The following MPPED1 variants were observed in gnomAD, a reference collection of about 807,000 sequenced individuals.
MPPED1 encodes metallophosphoesterase domain containing 1.
A neutral mutation model predicts 36.2 loss-of-function variants in MPPED1; 16 were observed. That is an observed-to-expected ratio of 0.44 (90% CI 0.30 to 0.67). The LOEUF (loss-of-function observed/expected upper bound fraction) is 0.67. Ranked by LOEUF, MPPED1 falls within the 30% of genes least tolerant of loss-of-function variation. The probability of loss-of-function intolerance (pLI) is 0.10; values close to 1 mark genes in which losing one functional copy is unlikely to be tolerated. For synonymous variants in MPPED1, 199 were observed against 191.3 expected (o/e 1.04, Z -0.33); for missense variants, 307 against 453.4 (o/e 0.68, Z 2.93).
At chr22:43,416,965 A>G in intron 1 of MPPED1, 5 of 985,334 alleles carry the variant, frequency 5.1e-6, no homozygotes, top group Non-Finnish European at 4.8e-6. Context: ...TCATAGCTAA[A>G]ATTAAAGGAA....
At chr22:43,460,067 T>TG (rs1930893115) in intron 3 of MPPED1, among the ~76,000 whole-genome samples, 1 of 151,498 alleles carries the variant, frequency 6.6e-6, no homozygotes, top group Non-Finnish European at 1.5e-5. Context: ...ATTAGCCGGG[T>TG]GTGGTGGCAT....
chr22:43,497,929 G>GTATGTATATATATA (rs542398808), intron 4 of MPPED1, among the ~76,000 whole-genome samples: 1 of 48,758 alleles, frequency 2.1e-5, no homozygotes, highest in African/African-American at 6.3e-5. Context: ...ATATATATAT[G>GTATGTATATATATA]TATATGTATA....
intron 3 of MPPED1, among the ~76,000 whole-genome samples, chr22:43,452,733 A>G (rs1239674182): frequency 1.3e-5 from 2 of 151,364 alleles, no homozygotes. Context: ...GGCTTCAGCA[A>G]TCTTCCCACG....
Position 43,505,740 on chromosome 22 carries a change from A to T in MPPED1, c.*124A>T. 5 of 763,370 alleles carry T rather than the reference A, an allele frequency of 6.5e-6. No homozygotes were observed. Among genetic ancestry groups the T allele is most frequent in the Non-Finnish European group, 1.1e-5 (5 of 465,418 alleles). 47.3% of individuals were successfully genotyped at this position (763,370 alleles called of 1,614,324 possible). A position where few individuals can be genotyped will look rare whatever the true frequency, so the allele number is the denominator to read the frequency against. Reference sequence around the variant, plus strand: ...GGCTGCGGGGACTGGCCTAGCAGGCAGGTCAGGGCCTTGGAACGACTCTTT... The same window carrying T: ...GGCTGCGGGGACTGGCCTAGCAGGCTGGTCAGGGCCTTGGAACGACTCTTT... On this transcript the variant is annotated 3_prime_UTR_variant, in exon 7 of 7. Transcript: ENST00000443721.
chr22:43,420,369 G>C (rs1378522162), intron 1 of MPPED1, among the ~76,000 whole-genome samples: 1 of 152,098 alleles, frequency 6.6e-6, no homozygotes, highest in Admixed American at 6.5e-5. Context: ...CCAGGTCGGG[G>C]TGTCATTGGT....
Position 43,425,077 on chromosome 22 carries a change from A to G in MPPED1, c.92A>G (p.His31Arg). 1.2e-6 allele frequency: 2 copies of G among 1,613,602 alleles called. No individual in the cohort carries two copies. Among genetic ancestry groups the G allele is most frequent in the Non-Finnish European group, 1.7e-6 (2 of 1,179,850 alleles). ...CTGGGCATGGCATTCTCCCAGTCCCACGTGATGGCCGCTCGGCGGCACCAG... is the reference window on the plus strand; with the variant it reads ...CTGGGCATGGCATTCTCCCAGTCCCGCGTGATGGCCGCTCGGCGGCACCAG... ...CGLGMAFSQS[H>R]VMAARRHQHS... The change falls in exon 2 of 7, where the codon CAC becomes CGC. Residue 31 changes from histidine to arginine, a missense_variant. His to Arg is a conservative substitution (Grantham distance 29, BLOSUM62 0). Transcript: ENST00000443721.
chr22:43,488,791 A>C (rs1189228163), intron 4 of MPPED1, among the ~76,000 whole-genome samples: 1 of 152,268 alleles, frequency 6.6e-6, no homozygotes, highest in Admixed American at 6.5e-5. Context: ...AATTCAGGAC[A>C]TAAAGCCGCC....
intron 3 of MPPED1, among the ~76,000 whole-genome samples, chr22:43,446,451 G>C (rs1160421865): frequency 6.6e-6 from 1 of 152,196 alleles, no homozygotes; most frequent in African/African-American, 2.4e-5. Context: ...CGGACCCTCT[G>C]CTGAGGGGAT....
intron 1 of MPPED1, among the ~76,000 whole-genome samples, chr22:43,413,665 C>T (rs1481353002): frequency 6.6e-6 from 1 of 152,194 alleles, no homozygotes; most frequent in African/African-American, 2.4e-5. Context: ...TGCGCTTCAC[C>T]GTGCTGGGCT....
At position 43,505,441 on chromosome 22, in the gene MPPED1, C is replaced by T. The variant is rs1249812900; in HGVS notation, c.863-57C>T. The T allele has an allele frequency of 8.7e-6, 13 of 1,500,386 alleles. No individual in the cohort carries two copies. The Admixed American group carries it at 9.8e-5, about 11-fold the overall frequency. The allele number at this position is 1,500,386 out of a possible 1,614,324, so 92.9% of individuals were successfully genotyped here. ...GAGTGCCCTATGACTGCCACACCCCCCTGGCCACCCTCACTACTCTGGCTG... is the reference window on the plus strand; with the variant it reads ...GAGTGCCCTATGACTGCCACACCCCTCTGGCCACCCTCACTACTCTGGCTG... On this transcript the variant is annotated intron_variant, in intron 6 of 6. Coordinates refer to ENST00000443721, the MANE Select transcript of MPPED1 (RefSeq NM_001044370.2).
intron 3 of MPPED1, among the ~76,000 whole-genome samples, chr22:43,458,681 G>T (rs1042142587): frequency 7.2e-5 from 11 of 152,138 alleles, no homozygotes; most frequent in African/African-American, 2.7e-4. Flanking sequence ...TTTCATTTCA[G>T]TCTGAAAAAG....
At chr22:43,489,824 C>T (rs1394688474) in intron 4 of MPPED1, among the ~76,000 whole-genome samples, 1 of 152,154 alleles carries the variant, frequency 6.6e-6, no homozygotes, top group Non-Finnish European at 1.5e-5. Flanking sequence ...CGGCCCCTGT[C>T]CACCAACATT....
At chr22:43,433,203 C>T (rs996971586) in intron 2 of MPPED1, among the ~76,000 whole-genome samples, 2 of 151,994 alleles carry the variant, frequency 1.3e-5, no homozygotes, top group African/African-American at 4.8e-5. Flanking sequence ...CAGACACTAC[C>T]CCTGATGGAA....
In MPPED1 at chr22:43,506,369, G is replaced by A. The variant is rs1440861764; in HGVS notation, c.*753G>A. On this transcript the variant is annotated 3_prime_UTR_variant, in exon 7 of 7. Coordinates refer to ENST00000443721, the MANE Select transcript of MPPED1 (RefSeq NM_001044370.2). ...TCCCAGTCATGGGGGGATGACCCTTGGTCCCACGGGGAACACACTGCTCTG... is the reference window on the plus strand; with the variant it reads ...TCCCAGTCATGGGGGGATGACCCTTAGTCCCACGGGGAACACACTGCTCTG... The A allele has an allele frequency of 2.0e-5, 3 of 152,478 alleles. No individual in the cohort carries two copies. Among genetic ancestry groups the A allele is most frequent in the Non-Finnish European group, 4.4e-5 (3 of 68,118 alleles). 9.4% of individuals were successfully genotyped at this position (152,478 alleles called of 1,614,324 possible). A position where few individuals can be genotyped will look rare whatever the true frequency, so the allele number is the denominator to read the frequency against.
At chr22:43,487,566 G>A (rs1352795401) in intron 4 of MPPED1, among the ~76,000 whole-genome samples, 1 of 152,198 alleles carries the variant, frequency 6.6e-6, no homozygotes, top group Non-Finnish European at 1.5e-5. Context: ...GGGGTCCTAG[G>A]AGCCAGGGGT....
At chr22:43,437,331 C>T (rs563747162) in intron 3 of MPPED1, among the ~76,000 whole-genome samples, 1 of 149,400 alleles carries the variant, frequency 6.7e-6, no homozygotes, top group African/African-American at 2.5e-5. Context: ...CTGTTCTATA[C>T]CCTTCGCATG....
At chr22:43,445,872 G>C (rs1233083956) in intron 3 of MPPED1, among the ~76,000 whole-genome samples, 3 of 110,664 alleles carry the variant, frequency 2.7e-5, no homozygotes, top group Non-Finnish European at 3.7e-5. Flanking sequence ...GCCTAGCCTG[G>C]TGTTTACATT....
At chr22:43,418,307 T>C in intron 1 of MPPED1, 1 of 365,114 alleles carries the variant, frequency 2.7e-6, no homozygotes, top group South Asian at 2.0e-5. Context: ...CTGGAAGTGA[T>C]GCTTCAAGTC....
intron 3 of MPPED1, among the ~76,000 whole-genome samples, chr22:43,470,082 CCCATCCATCCATCCATCCATAAATCAT>C (rs769864655): frequency 6.7e-6 from 1 of 149,628 alleles, no homozygotes; most frequent in Non-Finnish European, 1.5e-5. Context: ...CATCCAGCCA[CCCATCCATCCATCCATCCATAAATCAT>C]CCATCCATCC....
Sources: gnomAD v4.1 joint callset for allele counts (sites outside exome capture counted in the v4.1 genomes callset) on GRCh38, gnomAD v4.1.1 for gene constraint, MANE v1.5 for transcripts, NCBI Gene and HGNC (gene_info 2026-07-23, HGNC 2026-07-21) for gene names.